Variants in XYLT1 observed in about 807,000 individuals in gnomAD.
XYLT1 encodes the protein xylosyltransferase 1, also known as beta-D-xylosyltransferase 1.
A neutral mutation model predicts 91.3 loss-of-function variants in XYLT1; 36 were observed. The ratio of observed to expected loss-of-function variants is 0.39; its 90% CI spans 0.30 to 0.52. XYLT1 has a LOEUF of 0.52. Among genes scored for constraint, XYLT1 ranks in the 20% least tolerant of loss-of-function variants. XYLT1 has a pLI of 0.68. For missense variants in XYLT1, 1,242 were observed against 1,284.5 expected (o/e 0.97, Z 0.51); for synonymous variants, 588 against 532.0 (o/e 1.11, Z -1.45).
intron 3 of XYLT1, among the ~76,000 whole-genome samples, chr16:17,247,158 TTCATTCAC>T (rs553468886): frequency 7.8e-4 from 119 of 151,814 alleles, no homozygotes; most frequent in Middle Eastern, 3.4e-3. Flanking sequence ...CATTCATTTA[TTCATTCAC>T]TCATTCACTC....
intron 4 of XYLT1, among the ~76,000 whole-genome samples, chr16:17,199,843 T>C (rs1021027034): frequency 6.6e-6 from 1 of 152,100 alleles, no homozygotes; most frequent in African/African-American, 2.4e-5. Context: ...ATTAGCAGCA[T>C]GAAAATGGAC....
At chr16:17,280,385 T>C (rs905686104) in intron 2 of XYLT1, among the ~76,000 whole-genome samples, 4 of 152,196 alleles carry the variant, frequency 2.6e-5, no homozygotes, top group Admixed American at 1.3e-4. Flanking sequence ...ATTCATCTTC[T>C]GAAGAATGGA....
rs1555495172 is a variant in XYLT1, at chr16:17,295,332, TTTTTGTTTTGTTTTG to T, written c.403-35849_403-35835del. On this transcript the variant is annotated intron_variant, in intron 2 of 11. Coordinates refer to ENST00000261381, the MANE Select transcript of XYLT1 (RefSeq NM_022166.4). ...ATCAATAAAGCATTATAGAGCCAGG[TTTTTGTTTTGTTTTG>T]TTTTGTTTTGTTTTGTTTTGTTTTT... 1.4e-4 allele frequency among the ~76,000 whole-genome samples: 16 copies of T among 115,890 alleles called. No homozygotes were observed. In the South Asian group the frequency reaches 2.4e-3, roughly 17 times the overall value. 76.0% of individuals were successfully genotyped at this position (115,890 alleles called of 152,430 possible). A position where few individuals can be genotyped will look rare whatever the true frequency, so the allele number is the denominator to read the frequency against.
intron 1 of XYLT1, among the ~76,000 whole-genome samples, chr16:17,406,329 T>C (rs1452964460): frequency 2.6e-5 from 4 of 152,220 alleles, no homozygotes; most frequent in Non-Finnish European, 5.9e-5. Context: ...ATGTAGCTTG[T>C]TCTCAAAATT....
intron 1 of XYLT1, among the ~76,000 whole-genome samples, chr16:17,453,288 C>G (rs1323377574): frequency 6.6e-6 from 1 of 152,328 alleles, no homozygotes; most frequent in South Asian, 2.1e-4. Flanking sequence ...AGAAGACAGG[C>G]TCCTACAACA....
chr16:17,127,839 C>T lies in XYLT1; in HGVS notation c.2050G>A (p.Ala684Thr). 8.1e-6 allele frequency: 13 copies of T among 1,613,884 alleles called. No individual in the cohort carries two copies. The highest frequency in any genetic ancestry group is 8.5e-6 in the Non-Finnish European group (10 of 1,179,912). Residue 684 changes from alanine to threonine, a missense_variant, in exon 10 of 12, where the codon GCA becomes ACA. This residue lies in a region of XYLT1 where 511 missense variants were observed against 497.0 expected (regional missense o/e 1.03). Coordinates refer to ENST00000261381, the MANE Select transcript of XYLT1 (RefSeq NM_022166.4). ...GCAAGGAAGTAGAGGTGCACAGATG[C>T]TGGGTGGCCCATTGGGTAGTATCTG... ...SCRYYPMGHP[A>T]SVHLYFLADR...
intron 5 of XYLT1, among the ~76,000 whole-genome samples, chr16:17,176,573 T>A (rs1465962139): frequency 6.6e-6 from 1 of 152,240 alleles, no homozygotes; most frequent in East Asian, 1.9e-4. Flanking sequence ...GGAAAATTCC[T>A]GCCGACTAGC....
intron 10 of XYLT1, among the ~76,000 whole-genome samples, chr16:17,126,538 G>A (rs1006908753): frequency 9.2e-5 from 14 of 152,254 alleles, no homozygotes; most frequent in East Asian, 1.9e-4. Context: ...ACATACATTC[G>A]TTAGGCAGGG....
chr16:17,261,308 G>A (rs543927766), intron 2 of XYLT1, among the ~76,000 whole-genome samples: 7 of 149,816 alleles, frequency 4.7e-5, no homozygotes, highest in Admixed American at 1.3e-4. Context: ...CAGTAAGCAC[G>A]AATTTCTCCT....
intron 1 of XYLT1, among the ~76,000 whole-genome samples, chr16:17,443,283 T>C (rs1312221862): frequency 6.6e-6 from 1 of 152,198 alleles, no homozygotes; most frequent in South Asian, 2.1e-4. Context: ...ACATACATGA[T>C]ATAGTATCTG....
chr16:17,445,939 G>A (rs568163587), intron 1 of XYLT1: 2 of 152,226 alleles, frequency 1.3e-5, no homozygotes, highest in Non-Finnish European at 2.9e-5. Context: ...GTGGTGATGT[G>A]TTGCACCCTG....
intron 3 of XYLT1, chr16:17,251,269 C>T (rs922446458): frequency 6.6e-5 from 10 of 152,290 alleles, no homozygotes; most frequent in African/African-American, 2.2e-4. Context: ...CCCTTCTGTT[C>T]ATCCTCACCC....
At chr16:17,440,540 G>C (rs1596547031) in intron 1 of XYLT1, among the ~76,000 whole-genome samples, 1 of 152,314 alleles carries the variant, frequency 6.6e-6, no homozygotes. Context: ...GAGCCTTAGA[G>C]GCCTGTGGAC....
At chr16:17,448,856 T>A (rs1373329166) in intron 1 of XYLT1, among the ~76,000 whole-genome samples, 1 of 152,120 alleles carries the variant, frequency 6.6e-6, no homozygotes, top group Non-Finnish European at 1.5e-5. Flanking sequence ...TATTAACTCA[T>A]TTATTTCTCC....
chr16:17,104,264 T>C lies in XYLT1; in HGVS notation c.*4431A>G, dbSNP rs1410709775. 1.3e-5 allele frequency: 2 copies of C among 152,600 alleles called. No individual in the cohort carries two copies. The highest frequency in any genetic ancestry group is 2.9e-5 in the Non-Finnish European group (2 of 68,154). The allele number at this position is 152,600 out of a possible 1,614,324, so 9.5% of individuals were successfully genotyped here. ...CCTCCTCCTCCTCCTAGACTGTCTT[T>C]GCCATTTCGGCCTGGTTTGATGGAG... On this transcript the variant is annotated 3_prime_UTR_variant, in exon 12 of 12. Coordinates refer to ENST00000261381, the MANE Select transcript of XYLT1 (RefSeq NM_022166.4).
chr16:17,352,713 A>T (rs768533747), intron 2 of XYLT1, among the ~76,000 whole-genome samples: 1 of 151,968 alleles, frequency 6.6e-6, no homozygotes, highest in Non-Finnish European at 1.5e-5. Context: ...CTACCCAGTC[A>T]CTCTCTTACA....
At chr16:17,425,193 C>A (rs1181294497) in intron 1 of XYLT1, among the ~76,000 whole-genome samples, 1 of 152,148 alleles carries the variant, frequency 6.6e-6, no homozygotes, top group Non-Finnish European at 1.5e-5. Context: ...GGCTGGCCCA[C>A]CTCAATAAAA....
intron 1 of XYLT1, among the ~76,000 whole-genome samples, chr16:17,430,926 T>C (rs1242070282): frequency 2.0e-5 from 3 of 152,128 alleles, no homozygotes; most frequent in African/African-American, 7.2e-5. Flanking sequence ...AAAAGAAATG[T>C]AGAATGACCC....
rs1373268089 is a variant in XYLT1 at position 17,104,024 on chromosome 16, T to C, written c.*4671A>G. 1.3e-5 allele frequency: 2 copies of C among 152,766 alleles called. No individual in the cohort carries two copies. The highest frequency in any genetic ancestry group is 3.8e-4 in the East Asian group (2 of 5,200). The allele number at this position is 152,766 out of a possible 1,614,324, so 9.5% of individuals were successfully genotyped here. ...CAGCTCAAGCAGATTTGGACAACTT[T>C]GTTCCCCCCTCCCAGGTAAACTTCT... On this transcript the variant is annotated 3_prime_UTR_variant, in exon 12 of 12. Transcript: ENST00000261381.
Sources: allele counts gnomAD v4.1 joint callset (sites outside exome capture counted in the v4.1 genomes callset), GRCh38; gene constraint gnomAD v4.1.1; regional missense constraint gnomAD v4.1.1; transcripts MANE v1.5; gene names NCBI Gene and HGNC (gene_info 2026-07-23, HGNC 2026-07-21).